The following LARS2 variants were observed in gnomAD, a reference collection of about 807,000 sequenced individuals.
The protein encoded by LARS2 is leucine--tRNA ligase, mitochondrial.
LARS2 carries 81 observed loss-of-function variants against 116.6 expected under a neutral mutation model. That is an observed-to-expected ratio of 0.69 (90% CI 0.58 to 0.84). The LOEUF is 0.84. LARS2 is among the 40% of genes least tolerant of loss of function. The pLI is 0.00. For missense variants in LARS2, 968 were observed against 1,114.5 expected (o/e 0.87, Z 1.87); for synonymous variants, 396 against 407.2 (o/e 0.97, Z 0.33).
In LARS2 at chr3:45,547,334, G is replaced by A. The variant is rs771277391; in HGVS notation, c.2533-17G>A. The A allele has an allele frequency of 1.3e-6, 2 of 1,590,512 alleles. No individual in the cohort carries two copies. Among genetic ancestry groups the A allele is most frequent in the African/African-American group, 2.7e-5 (2 of 73,750 alleles). On this transcript the variant is annotated splice_polypyrimidine_tract_variant and intron_variant, in intron 21 of 21. Coordinates refer to ENST00000645846, the MANE Select transcript of LARS2 (RefSeq NM_015340.4). ...AGGATGTTCCTCATTGTTTATCTTG[G>A]CTTTTCTCCTTCTCAGATCAACAAT...
chr3:45,454,499 G>A (rs1699183816), intron 7 of LARS2, among the ~76,000 whole-genome samples: 1 of 152,196 alleles, frequency 6.6e-6, no homozygotes, highest in Non-Finnish European at 1.5e-5. Context: ...TGTGAGGGAA[G>A]CAGTGGGTAA....
At chr3:45,430,814 T>C (rs557763978) in intron 6 of LARS2, among the ~76,000 whole-genome samples, 1 of 151,674 alleles carries the variant, frequency 6.6e-6, no homozygotes, top group East Asian at 1.9e-4. Context: ...CTCGATCCCC[T>C]GACCTCATGA....
At chr3:45,455,242 A>T (rs1699195567) in intron 7 of LARS2, among the ~76,000 whole-genome samples, 1 of 151,698 alleles carries the variant, frequency 6.6e-6, no homozygotes, top group Non-Finnish European at 1.5e-5. Context: ...ATGCCAGGCC[A>T]TGTGGGAAAT....
At position 45,491,790 on chromosome 3, in the gene LARS2, T is replaced by C. The variant is rs779044989; in HGVS notation, c.1513T>C (p.Ser505Pro). ...CATGGCTTCAGAGTGGGTGAACTGC[T>C]CCTGCCCAAGGTAAGGAGCCACATC... ...LAMASEWVNCSCPRCKGAAKR... is the reference protein window; with the variant it reads ...LAMASEWVNCPCPRCKGAAKR... Residue 505 changes from serine to proline, a missense_variant, in exon 13 of 22, where the codon TCC becomes CCC. Ser to Pro is a moderately conservative substitution (Grantham distance 74). Coordinates refer to ENST00000645846, the MANE Select transcript of LARS2 (RefSeq NM_015340.4). 1.9e-6 allele frequency: 3 copies of C among 1,613,756 alleles called. No homozygotes were observed. Among genetic ancestry groups the C allele is most frequent in the Non-Finnish European group, 2.5e-6 (3 of 1,179,802 alleles).
intron 15 of LARS2, among the ~76,000 whole-genome samples, chr3:45,512,362 C>G (rs747766187): frequency 3.9e-5 from 6 of 152,144 alleles, no homozygotes; most frequent in Non-Finnish European, 8.8e-5. Context: ...CAGGCAGATT[C>G]TTAAGAATAA....
At chr3:45,423,460 G>A (rs183454831) in intron 6 of LARS2, among the ~76,000 whole-genome samples, 31 of 152,182 alleles carry the variant, frequency 2.0e-4, no homozygotes, top group African/African-American at 6.7e-4. Context: ...TTACAGGCAC[G>A]CACCACTACA....
intron 3 of LARS2, among the ~76,000 whole-genome samples, chr3:45,394,924 T>C (rs561081543): frequency 6.5e-4 from 99 of 152,326 alleles, no homozygotes; most frequent in African/African-American, 2.0e-3. Context: ...ACAAAGGTAG[T>C]GTTTACAAGA....
chr3:45,451,682 A>G (rs1167833483), intron 7 of LARS2, among the ~76,000 whole-genome samples: 1 of 152,046 alleles, frequency 6.6e-6, no homozygotes, highest in African/African-American at 2.4e-5. Flanking sequence ...TGCTTTGGCT[A>G]TTCAGGGTCT....
At chr3:45,533,858 T>C (rs1366397142) in intron 20 of LARS2, among the ~76,000 whole-genome samples, 1 of 152,138 alleles carries the variant, frequency 6.6e-6, no homozygotes, top group Non-Finnish European at 1.5e-5. Flanking sequence ...ATTTCAAACT[T>C]TGCACCGTGA....
intron 20 of LARS2, among the ~76,000 whole-genome samples, chr3:45,526,395 T>A (rs1434982927): frequency 6.6e-6 from 1 of 152,066 alleles, no homozygotes; most frequent in Admixed American, 6.6e-5. Context: ...TTAGAAAACA[T>A]AAAGAAAGCC....
At chr3:45,395,821 A>T (rs1329310681) in intron 3 of LARS2, among the ~76,000 whole-genome samples, 1 of 152,238 alleles carries the variant, frequency 6.6e-6, no homozygotes, top group Non-Finnish European at 1.5e-5. Flanking sequence ...AAAAATTGCT[A>T]TTGAAAAAGA....
chr3:45,396,454 A>G (rs1698047150), intron 3 of LARS2, among the ~76,000 whole-genome samples: 1 of 152,276 alleles, frequency 6.6e-6, no homozygotes, highest in African/African-American at 2.4e-5. Context: ...GAAGTGGTAC[A>G]TAAATAAAAG....
chr3:45,402,463 T>G (rs1559456693), intron 4 of LARS2, among the ~76,000 whole-genome samples: 1 of 152,214 alleles, frequency 6.6e-6, no homozygotes. Context: ...AATTAAACAT[T>G]TACTGGAACC....
rs1700011314 is a variant in LARS2, at chr3:45,496,366, C to A, written c.1615C>A (p.Pro539Thr). 1 of 1,611,848 alleles carries A rather than the reference C, an allele frequency of 6.2e-7. No individual in the cohort carries two copies. Among genetic ancestry groups the A allele is most frequent in the African/African-American group, 1.3e-5 (1 of 74,868 alleles). ...CTTCAGATACACTGACCCTCATAAT[C>A]CACACAGGTAAAACGTCCCTGCTGA... ...YYFRYTDPHN[P>T]HSPFNTAVAD... Residue 539 changes from proline to threonine, a missense_variant, in exon 14 of 22, where the codon CCA (proline) becomes ACA (threonine). Coordinates refer to ENST00000645846, the MANE Select transcript of LARS2 (RefSeq NM_015340.4).
intron 15 of LARS2, among the ~76,000 whole-genome samples, chr3:45,507,538 T>C (rs1700217596): frequency 6.6e-6 from 1 of 152,096 alleles, no homozygotes; most frequent in Non-Finnish European, 1.5e-5. Context: ...GGATACAATC[T>C]AAATGCCCCA....
chr3:45,491,673 G>A lies in LARS2; in HGVS notation c.1396G>A (p.Val466Ile), dbSNP rs1363832149. Reference protein sequence around the residue: ...GTPIPIVHCPVCGPTPVPLED... With the variant: ...GTPIPIVHCPICGPTPVPLED... The stretch of plus-strand genomic sequence containing the variant: ...ACCAATCCCCATTGTCCACTGCCCA[G>A]TCTGTGGCCCCACACCTGTGCCCCT... The change falls in exon 13 of 22, where the codon GTC (valine) becomes ATC (isoleucine). Residue 466 changes from valine (V) to isoleucine (I), a missense_variant. Val to Ile is a conservative substitution (Grantham distance 29, BLOSUM62 3). Coordinates refer to ENST00000645846, the MANE Select transcript of LARS2 (RefSeq NM_015340.4). 1 of 1,614,216 alleles carries A rather than the reference G, an allele frequency of 6.2e-7. No individual in the cohort carries two copies. The highest frequency in any genetic ancestry group is 2.2e-5 in the East Asian group (1 of 44,888).
At chr3:45,494,105 G>A (rs1403567447) in intron 13 of LARS2, among the ~76,000 whole-genome samples, 1 of 152,108 alleles carries the variant, frequency 6.6e-6, no homozygotes, top group Non-Finnish European at 1.5e-5. Context: ...TTCCCCGAGG[G>A]CTCTCTCTGA....
At position 45,547,422 on chromosome 3, in the gene LARS2, A is replaced by G. The variant is rs771687236; in HGVS notation, c.2604A>G (p.Glu868=). The part of the protein sequence containing the change: ...QVARDQDKVH[E]FVLQSELGVR... ...CCCGGGACCAGGACAAAGTCCACGA[A>G]TTTGTTCTTCAAAGCGAGCTGGGTG... is the stretch of plus-strand genomic sequence containing the variant. The change falls in exon 22 of 22, where the codon GAA becomes GAG. Residue 868 remains glutamate (E), a synonymous_variant. Transcript: ENST00000645846. 1 of 1,613,880 alleles carries G rather than the reference A, an allele frequency of 6.2e-7. No homozygotes were observed.
At chr3:45,439,792 C>T (rs977668609) in intron 6 of LARS2, among the ~76,000 whole-genome samples, 1 of 152,130 alleles carries the variant, frequency 6.6e-6, no homozygotes, top group African/African-American at 2.4e-5. Flanking sequence ...ATAGAAATTT[C>T]ATGCGAACCA....
Sources: gnomAD v4.1 joint callset for allele counts (sites outside exome capture counted in the v4.1 genomes callset) on GRCh38, gnomAD v4.1.1 for gene constraint, MANE v1.5 for transcripts, NCBI Gene and HGNC (gene_info 2026-07-23, HGNC 2026-07-21) for gene names.